Variants in DTNA observed in about 807,000 individuals in gnomAD.
DTNA encodes the protein dystrophin-related protein 3.
Under a neutral mutation model 100.7 loss-of-function variants are expected in DTNA, and 43 were observed. That is an observed-to-expected ratio of 0.43 (90% CI 0.33 to 0.55). The LOEUF is 0.55. Ranked by LOEUF, DTNA falls within the 20% of genes least tolerant of loss-of-function variation. The pLI, the probability that DTNA is intolerant of heterozygous loss-of-function variation, is 0.04. For missense variants in DTNA, 798 were observed against 953.9 expected (o/e 0.84, Z 2.15); for synonymous variants, 349 against 347.9 (o/e 1.00, Z -0.04).
chr18:34,700,286 T>C (rs1292359307), intron 1 of DTNA, among the ~76,000 whole-genome samples: 1 of 152,200 alleles, frequency 6.6e-6, no homozygotes, highest in African/African-American at 2.4e-5. Flanking sequence ...GCTTGACCAC[T>C]AGAGCTGGTT....
chr18:34,613,470 CCAAA>C (rs1442139034), intron 1 of DTNA, among the ~76,000 whole-genome samples: 5 of 152,124 alleles, frequency 3.3e-5, no homozygotes, highest in Non-Finnish European at 5.9e-5. Context: ...GCCTCTTGCA[CCAAA>C]CAGTCAGCCA....
At chr18:34,669,881 T>C (rs901689896) in intron 1 of DTNA, among the ~76,000 whole-genome samples, 1 of 152,212 alleles carries the variant, frequency 6.6e-6, no homozygotes, top group African/African-American at 2.4e-5. Context: ...ATTTCAACTT[T>C]GGTGAATCTG....
chr18:34,708,350 G>A (rs1203035503), upstream of DTNA: 6 of 152,156 alleles, frequency 3.9e-5, no homozygotes, highest in African/African-American at 4.8e-5. Context: ...AGCCCTTTAT[G>A]ATGAAGATTC....
intron 1 of DTNA, among the ~76,000 whole-genome samples, chr18:34,614,240 C>T (rs563944825): frequency 6.6e-6 from 1 of 152,282 alleles, no homozygotes; most frequent in East Asian, 1.9e-4. Flanking sequence ...AGATAATGTT[C>T]AAAATATTAC....
chr18:34,560,068 A>T (rs1007064298), intron 1 of DTNA, among the ~76,000 whole-genome samples: 4 of 152,034 alleles, frequency 2.6e-5, no homozygotes, highest in African/African-American at 9.7e-5. Flanking sequence ...CCTTTCCCAT[A>T]CTACCATGCT....
At chr18:34,790,571 T>A (rs1484537923) in intron 3 of DTNA, among the ~76,000 whole-genome samples, 8 of 108,286 alleles carry the variant, frequency 7.4e-5, no homozygotes, top group African/African-American at 3.2e-4. Flanking sequence ...ATATATATTT[T>A]TTTTTTTTTT....
chr18:34,860,780 A>G (rs1296868353), intron 16 of DTNA, among the ~76,000 whole-genome samples: 1 of 152,240 alleles, frequency 6.6e-6, no homozygotes, highest in African/African-American at 2.4e-5. Context: ...GACAATGAAT[A>G]TGAATGATAG....
intron 1 of DTNA, among the ~76,000 whole-genome samples, chr18:34,591,946 G>T (rs2049776095): frequency 6.6e-6 from 1 of 152,100 alleles, no homozygotes. Flanking sequence ...TATTGCCCTA[G>T]ATATGATAAA....
rs1488474931 is a variant in DTNA at position 34,890,102 on chromosome 18, T to C, written c.*2368T>C. Reference sequence around the variant, plus strand: ...GACCGAGCTGGCATATGTTGTTTCTTTGTGTTTCTACATCAAAATGTTCGT... The same window carrying C: ...GACCGAGCTGGCATATGTTGTTTCTCTGTGTTTCTACATCAAAATGTTCGT... On this transcript the variant is annotated 3_prime_UTR_variant, in exon 23 of 23. Coordinates refer to ENST00000444659, the MANE Select transcript of DTNA (RefSeq NM_001386795.1). 2.1e-6 allele frequency: 3 copies of C among 1,402,688 alleles called. No individual in the cohort carries two copies. Among genetic ancestry groups the C allele is most frequent in the Non-Finnish European group, 2.8e-6 (3 of 1,083,150 alleles). 86.9% of individuals were successfully genotyped at this position (1,402,688 alleles called of 1,614,324 possible).
At chr18:34,847,680 A>G (rs1311558814) in intron 13 of DTNA, among the ~76,000 whole-genome samples, 1 of 152,132 alleles carries the variant, frequency 6.6e-6, no homozygotes, top group African/African-American at 2.4e-5. Flanking sequence ...CCTGACAGCT[A>G]TTTTCCCACC....
intron 6 of DTNA, among the ~76,000 whole-genome samples, chr18:34,813,782 C>T (rs1441440934): frequency 7.0e-6 from 1 of 142,840 alleles, no homozygotes; most frequent in Non-Finnish European, 1.5e-5. Flanking sequence ...GCAGAGGTTG[C>T]AGTGAGCCAA....
chr18:34,520,368 A>G (rs996241559), intron 1 of DTNA, among the ~76,000 whole-genome samples: 3 of 152,100 alleles, frequency 2.0e-5, no homozygotes, highest in African/African-American at 4.8e-5. Context: ...AAATCTTCCC[A>G]GGGCCAGATG....
intron 1 of DTNA, among the ~76,000 whole-genome samples, chr18:34,655,301 A>G (rs1370281641): frequency 3.9e-5 from 6 of 152,080 alleles, no homozygotes; most frequent in Admixed American, 3.9e-4. Context: ...CTTTAGAGTA[A>G]GGGGAAGATT....
At chr18:34,615,774 A>G (rs982592310) in intron 1 of DTNA, among the ~76,000 whole-genome samples, 16 of 152,134 alleles carry the variant, frequency 1.1e-4, no homozygotes, top group Admixed American at 3.9e-4. Flanking sequence ...CCTGGTATCT[A>G]TTGTTCCCTT....
chr18:34,805,736 T>C (rs974989224), intron 4 of DTNA, among the ~76,000 whole-genome samples: 2 of 150,344 alleles, frequency 1.3e-5, no homozygotes, highest in Non-Finnish European at 3.0e-5. Flanking sequence ...AAATGTGTGA[T>C]GAAAAAGTCC....
At chr18:34,576,854 T>A (rs1473639439) in intron 1 of DTNA, among the ~76,000 whole-genome samples, 1 of 152,134 alleles carries the variant, frequency 6.6e-6, no homozygotes, top group Non-Finnish European at 1.5e-5. Context: ...ACAGCCCATG[T>A]CTTGTCATGC....
At chr18:34,753,356 TATTTATTTTA>T (rs2092485193) in intron 1 of DTNA, among the ~76,000 whole-genome samples, 3 of 1,284 alleles carry the variant, frequency 2.3e-3, no homozygotes, top group East Asian at 0.045. Context: ...TTTATTTATT[TATTTATTTTA>T]TTTTTTTTTT....
chr18:34,649,745 A>T (rs1034329122), intron 1 of DTNA, among the ~76,000 whole-genome samples: 1 of 152,140 alleles, frequency 6.6e-6, no homozygotes, highest in African/African-American at 2.4e-5. Context: ...CTCCAGATTA[A>T]CTTTTACCTA....
At chr18:34,840,974 A>G (rs1437438256) in intron 13 of DTNA, among the ~76,000 whole-genome samples, 2 of 152,134 alleles carry the variant, frequency 1.3e-5, no homozygotes, top group Non-Finnish European at 2.9e-5. Flanking sequence ...TCATTAAGTT[A>G]CAGTGAGACA....
Sources: gnomAD v4.1 joint callset for allele counts (sites outside exome capture counted in the v4.1 genomes callset) on GRCh38, gnomAD v4.1.1 for gene constraint, MANE v1.5 for transcripts, NCBI Gene and HGNC (gene_info 2026-07-23, HGNC 2026-07-21) for gene names.